The following NOTCH2 variants were observed in gnomAD, a reference collection of about 807,000 sequenced individuals.
NOTCH2 encodes the protein notch receptor 2.
In NOTCH2, 29 loss-of-function variants were observed where a neutral mutation model predicts 235.8. That is an observed-to-expected ratio of 0.12 (90% CI 0.09 to 0.17). The LOEUF (loss-of-function observed/expected upper bound fraction) is 0.17. NOTCH2 is among the 10% of genes least tolerant of loss of function. NOTCH2 has a pLI of 1.00. For missense variants in NOTCH2, 2,285 were observed against 3,150.2 expected (o/e 0.73, Z 6.57); for synonymous variants, 1,086 against 1,141.5 (o/e 0.95, Z 0.98).
At chr1:119,972,770 A>T (rs1217066622) in intron 5 of NOTCH2, among the ~76,000 whole-genome samples, 1 of 152,180 alleles carries the variant, frequency 6.6e-6, no homozygotes, top group East Asian at 1.9e-4. Flanking sequence ...TAAGCCAGTG[A>T]GTGAAGGACA....
rs377469966 is a variant in NOTCH2, at chr1:119,967,599, A to G, written c.1287T>C (p.His429=). The part of the protein sequence containing the change: ...CAMANSNPCE[H]AGKCVNTDGA... The stretch of plus-strand genomic sequence containing the variant: ...CATCCGTGTTCACACATTTTCCTGC[A>G]TGCTCACAAGGATTGCTATTGGCTG... Residue 429 remains histidine (H), a synonymous_variant, in exon 8 of 34, where the codon CAT becomes CAC. Coordinates refer to ENST00000256646, the MANE Select transcript of NOTCH2 (RefSeq NM_024408.4). 58 of 1,613,996 alleles carry G rather than the reference A, an allele frequency of 3.6e-5. No homozygotes were observed. In the African/African-American group the frequency reaches 6.3e-4, roughly 17 times the overall value.
intron 1 of NOTCH2, among the ~76,000 whole-genome samples, chr1:120,065,969 G>A (rs587693657): frequency 1.3e-5 from 2 of 151,022 alleles, no homozygotes; most frequent in East Asian, 1.9e-4. Context: ...CATTGCAGAC[G>A]TATATAGATA....
intron 12 of NOTCH2, 136 bp downstream of exon 12, chr1:119,959,256 G>A: frequency 1.5e-6 from 1 of 680,940 alleles, no homozygotes; most frequent in East Asian, 2.7e-5. Context: ...CTGATCTAGA[G>A]AAGCAGAGAA....
chr1:119,980,047 C>G (rs1189766672), intron 5 of NOTCH2, among the ~76,000 whole-genome samples: 1 of 152,196 alleles, frequency 6.6e-6, no homozygotes, highest in African/African-American at 2.4e-5. Flanking sequence ...CTCGCTCTTT[C>G]CTCTCCTGTC....
intron 1 of NOTCH2, among the ~76,000 whole-genome samples, chr1:120,033,892 G>A (rs587738630): frequency 1.2e-4 from 18 of 151,814 alleles, no homozygotes; most frequent in African/African-American, 3.9e-4. Context: ...CCCTATAAAT[G>A]TATACAACTA....
chr1:120,028,567 G>T (rs587628375), intron 2 of NOTCH2, among the ~76,000 whole-genome samples: 2 of 143,948 alleles, frequency 1.4e-5, no homozygotes, highest in Admixed American at 6.9e-5. Context: ...TGTCATCACA[G>T]CTTAAAATAT....
intron 33 of NOTCH2, 138 bp downstream of exon 33, chr1:119,917,527 C>T (rs1368471420): frequency 1.4e-4 from 99 of 726,842 alleles, no homozygotes; most frequent in Admixed American, 7.6e-5. Context: ...ATCAAGCTCT[C>T]GAAACCCAGT....
intron 5 of NOTCH2, among the ~76,000 whole-genome samples, chr1:119,970,963 T>C (rs1289130003): frequency 1.3e-5 from 2 of 152,148 alleles, no homozygotes; most frequent in African/African-American, 2.4e-5. Context: ...AAGAACACAA[T>C]ATTTGTGCTT....
In NOTCH2 at chr1:119,935,322, A is replaced by G; in HGVS notation, c.3655+150T>C. The G allele has an allele frequency of 1.9e-6, 3 of 1,585,474 alleles. No individual in the cohort carries two copies. The African/African-American group carries it at 4.0e-5, about 21-fold the overall frequency. ...AGCTAGCAAGAGATGGGAGAATAAA[A>G]TGGCTTGAATTACTAGGATGTAGAA... On this transcript the variant is annotated intron_variant, in intron 22 of 33. Coordinates refer to ENST00000256646, the MANE Select transcript of NOTCH2 (RefSeq NM_024408.4).
intron 2 of NOTCH2, among the ~76,000 whole-genome samples, chr1:120,028,959 A>G (rs2746806): frequency 1.9e-4 from 29 of 151,852 alleles, no homozygotes; most frequent in African/African-American, 6.3e-4. Context: ...ATTATCTCAC[A>G]GCCTTCCTCA....
At chr1:119,939,149 G>A (rs1336360171) in intron 19 of NOTCH2, among the ~76,000 whole-genome samples, 1 of 152,156 alleles carries the variant, frequency 6.6e-6, no homozygotes, top group African/African-American at 2.4e-5. Context: ...GACATGGGGA[G>A]AACATGCAAA....
chr1:119,939,265 C>T (rs1417012335), intron 19 of NOTCH2, among the ~76,000 whole-genome samples: 1 of 152,142 alleles, frequency 6.6e-6, no homozygotes, highest in East Asian at 1.9e-4. Flanking sequence ...CTGCTGTAGT[C>T]TAATTCCTCT....
At chr1:119,982,425 GGT>G (rs1312705885) in intron 5 of NOTCH2, among the ~76,000 whole-genome samples, 2 of 151,972 alleles carry the variant, frequency 1.3e-5, no homozygotes, top group Non-Finnish European at 2.9e-5. Context: ...TTGAGCTTAG[GGT>G]CAACTTTAAT....
intron 26 of NOTCH2, among the ~76,000 whole-genome samples, chr1:119,923,141 A>C (rs756214870): frequency 6.6e-6 from 1 of 152,174 alleles, no homozygotes; most frequent in Non-Finnish European, 1.5e-5. Flanking sequence ...CTCTAAACAT[A>C]CATCCCTGTG....
intron 1 of NOTCH2, 158 bp downstream of exon 1, chr1:120,069,167 AGGGGCCCCC>A (rs1308175510): frequency 6.5e-7 from 1 of 1,526,776 alleles, no homozygotes; most frequent in African/African-American, 1.4e-5. Flanking sequence ...GCACCACGGG[AGGGGCCCCC>A]GGCGATGTCC....
chr1:120,014,340 A>G lies in NOTCH2; in HGVS notation c.156-8752T>C, dbSNP rs587594423. 2.0e-5 allele frequency among the ~76,000 whole-genome samples: 3 copies of G among 152,382 alleles called. No individual in the cohort carries two copies. In the East Asian group the frequency reaches 5.8e-4, roughly 29 times the overall value. On this transcript the variant is annotated intron_variant, in intron 2 of 33. Transcript: ENST00000256646. ...AGCACTGTGGGAGGCCAAGGCAAGC[A>G]GATTGCTAGAGCAGAAGTTCGAGAC...
At position 119,925,511 on chromosome 1, in the gene NOTCH2, C is replaced by G; in HGVS notation, c.4305G>C (p.Arg1435=). The G allele has an allele frequency of 1.2e-6, 2 of 1,614,144 alleles. No homozygotes were observed. Among genetic ancestry groups the G allele is most frequent in the Non-Finnish European group, 1.7e-6 (2 of 1,180,036 alleles). ...CLSQYCADKA[R]DGVCDEACNS... is the part of the protein sequence containing the mutation. The stretch of plus-strand genomic sequence containing the variant: ...TGCAGGCCTCATCACAGACGCCATC[C>G]CGAGCTTTGTCGGCACAATACTGGC... Residue 1435 remains arginine, a synonymous_variant, in exon 25 of 34, where the codon CGG becomes CGC. Transcript: ENST00000256646.
chr1:119,921,858 TAC>T lies in NOTCH2; in HGVS notation c.5214-51_5214-50del, dbSNP rs759229007. 24 of 1,469,566 alleles carry T rather than the reference TAC, an allele frequency of 1.6e-5. No homozygotes were observed. The Admixed American group carries it at 3.9e-4, about 24-fold the overall frequency. 91.0% of individuals were successfully genotyped at this position (1,469,566 alleles called of 1,614,324 possible). A position where few individuals can be genotyped will look rare whatever the true frequency, so the allele number is the denominator to read the frequency against. On this transcript the variant is annotated intron_variant, in intron 28 of 33. Transcript: ENST00000256646. Reference sequence around the variant, plus strand: ...AATAAGAATGGCAGTCATAAACTAATACAGTGGTTTTCAACACTTTCCACCAT... The same window carrying T: ...AATAAGAATGGCAGTCATAAACTAATAGTGGTTTTCAACACTTTCCACCAT...
chr1:119,967,003 G>A (rs1173509529), intron 8 of NOTCH2, among the ~76,000 whole-genome samples: 2 of 152,158 alleles, frequency 1.3e-5, no homozygotes, highest in African/African-American at 2.4e-5. Context: ...CTATGCAGAA[G>A]AGCTCCAGAA....
Sources: gnomAD v4.1 joint callset for allele counts (sites outside exome capture counted in the v4.1 genomes callset) on GRCh38, gnomAD v4.1.1 for gene constraint, MANE v1.5 for transcripts, NCBI Gene and HGNC (gene_info 2026-07-23, HGNC 2026-07-21) for gene names.